The following RPL3 variants were observed in gnomAD, a reference collection of about 807,000 sequenced individuals.
RPL3 encodes the protein ribosomal protein L3.
RPL3 carries 3 observed loss-of-function variants against 46.0 expected under a neutral mutation model. That is an observed-to-expected ratio of 0.07 (90% CI 0.03 to 0.17). RPL3 has a LOEUF of 0.17. RPL3 is among the 10% of genes least tolerant of loss of function. The pLI is 1.00. For synonymous variants in RPL3, 224 were observed against 190.8 expected (o/e 1.17, Z -1.43); for missense variants, 387 against 532.7 (o/e 0.73, Z 2.69).
At chr22:39,317,391 T>G in intron 3 of RPL3, 70 bp downstream of exon 3, 4 of 1,533,466 alleles carry the variant, frequency 2.6e-6, no homozygotes, top group East Asian at 2.3e-5. Context: ...TGAGAAACCA[T>G]GCACACGCTG....
rs945435858 is a variant in RPL3 at position 39,313,601 on chromosome 22, A to G, written c.1047+33T>C. ...TGGCCTTGGATCCTCCCTCTACAAGAGCCCCCCCATGACAAGTCAGGACCT... is the reference window on the plus strand; with the variant it reads ...TGGCCTTGGATCCTCCCTCTACAAGGGCCCCCCCATGACAAGTCAGGACCT... On this transcript the variant is annotated intron_variant, in intron 8 of 9. Coordinates refer to ENST00000216146, the MANE Select transcript of RPL3 (RefSeq NM_000967.4). 15 of 1,597,496 alleles carry G rather than the reference A, an allele frequency of 9.4e-6. No individual in the cohort carries two copies. In the African/African-American group the frequency reaches 2.0e-4, roughly 21 times the overall value.
In RPL3 at chr22:39,315,466, G is replaced by T; in HGVS notation, c.591C>A (p.Ala197=). The change falls in exon 5 of 10, where the codon GCC becomes GCA. Residue 197 remains alanine (A), a synonymous_variant. Transcript: ENST00000216146. ...GTACCTGCTGCTCAAGCCTCTCGCG[G>T]GCCCAGTCCAGCTTCTCGGCCACAG... is the stretch of plus-strand genomic sequence containing the variant. ...GGTVAEKLDW[A]RERLEQQVPV... 13 of 1,614,028 alleles carry T rather than the reference G, an allele frequency of 8.1e-6. No individual in the cohort carries two copies. Among genetic ancestry groups the T allele is most frequent in the Non-Finnish European group, 1.1e-5 (13 of 1,180,034 alleles).
chr22:39,319,380 T>TG lies in RPL3; in HGVS notation c.3+214_3+215insC, dbSNP rs528121727. ...CCTGCTCCCACCCTTACGGCCTCTC[T>TG]CTGGCCGACCTGCAGGCCCAAAGCC... is the stretch of plus-strand genomic sequence containing the variant. On this transcript the variant is annotated intron_variant, in intron 1 of 9. Coordinates refer to ENST00000216146, the MANE Select transcript of RPL3 (RefSeq NM_000967.4). 948 of 655,608 alleles carry TG rather than the reference T, an allele frequency of 1.4e-3. 11 individuals carry two copies. Among genetic ancestry groups the TG allele is most frequent in the African/African-American group, 0.014 (787 of 54,796 alleles). The allele number at this position is 655,608 out of a possible 1,614,324, so 40.6% of individuals were successfully genotyped here. A position where few individuals can be genotyped will look rare whatever the true frequency, so the allele number is the denominator to read the frequency against.
chr22:39,314,080 T>G (rs1459124237), intron 7 of RPL3, 27 bp downstream of exon 7: 1 of 1,597,346 alleles, frequency 6.3e-7, no homozygotes, highest in South Asian at 1.1e-5. Flanking sequence ...TGGGATGGCC[T>G]CACAGAGCAG....
At chr22:39,318,022 A>T in intron 2 of RPL3, 1 of 347,096 alleles carries the variant, frequency 2.9e-6, no homozygotes, top group Non-Finnish European at 5.3e-6. Context: ...CTCTAAGTAG[A>T]ACACACACAG....
chr22:39,313,408 A>T (rs1458385277), intron 8 of RPL3, 98 bp from the exon 9 acceptor site: 2 of 1,554,180 alleles, frequency 1.3e-6, no homozygotes, highest in Non-Finnish European at 1.8e-6. Context: ...CACACGATCA[A>T]TTCAGCCTCC....
chr22:39,318,643 T>C (rs527237993), intron 1 of RPL3, 51 bp from the exon 2 acceptor site: 1 of 1,450,642 alleles, frequency 6.9e-7, no homozygotes, highest in South Asian at 1.3e-5. Context: ...CAGTGCCCCC[T>C]TCTCTAGTTC....
At position 39,313,562 on chromosome 22, in the gene RPL3, GCCA is replaced by G. The variant is rs1005058851; in HGVS notation, c.1047+69_1047+71del. 107 of 1,455,338 alleles carry G rather than the reference GCCA, an allele frequency of 7.4e-5. No individual in the cohort carries two copies. The African/African-American group carries it at 1.4e-3, about 19-fold the overall frequency. The allele number at this position is 1,455,338 out of a possible 1,614,324, so 90.2% of individuals were successfully genotyped here. ...CCTTCCTTTCCTCTCCCACCACAGG[GCCA>G]CCAGCGTCTGTGGCCTTGGATCCTC... On this transcript the variant is annotated intron_variant, in intron 8 of 9. Transcript: ENST00000216146.
chr22:39,319,071 GCA>G (rs759093212), intron 1 of RPL3: 111 of 537,564 alleles, frequency 2.1e-4, no homozygotes, highest in Non-Finnish European at 3.2e-4. Context: ...GTGACAATCA[GCA>G]CACAGTTTCT....
intron 3 of RPL3, 36 bp from the exon 4 acceptor site, chr22:39,316,877 G>A (rs376376122): frequency 3.1e-6 from 5 of 1,613,104 alleles, no homozygotes; most frequent in Admixed American, 1.7e-5. Flanking sequence ...AGGGGACCAG[G>A]TGCAGGCCTT....
intron 3 of RPL3, 88 bp from the exon 4 acceptor site, chr22:39,316,929 G>A (rs755632306): frequency 8.1e-6 from 13 of 1,598,094 alleles, no homozygotes; most frequent in African/African-American, 5.4e-5. Flanking sequence ...CACTGGCACC[G>A]CGTGGGGATG....
intron 4 of RPL3, 130 bp from the exon 5 acceptor site, chr22:39,315,685 G>A (rs1742980995): frequency 9.5e-7 from 1 of 1,051,738 alleles, no homozygotes. Flanking sequence ...ACAAGTCACT[G>A]AACCTCACCA....
intron 6 of RPL3, chr22:39,314,470 C>T: frequency 1.5e-6 from 1 of 649,528 alleles, no homozygotes; most frequent in Non-Finnish European, 2.6e-6. Context: ...AGACTAGTAT[C>T]CCCAGCCACA....
chr22:39,315,336 T>A (rs772405301), intron 5 of RPL3, 33 bp downstream of exon 5: 1 of 1,613,948 alleles, frequency 6.2e-7, no homozygotes, highest in East Asian at 2.2e-5. Flanking sequence ...TCCCCCAGGT[T>A]TGCACAGCAA....
intron 4 of RPL3, among the ~76,000 whole-genome samples, chr22:39,316,396 T>G (rs943515368): frequency 6.6e-6 from 1 of 152,276 alleles, no homozygotes; most frequent in East Asian, 1.9e-4. Flanking sequence ...GGATAACCAG[T>G]AACAGGACAG....
At chr22:39,314,549 A>G in intron 6 of RPL3, 137 bp downstream of exon 6, 1 of 1,066,362 alleles carries the variant, frequency 9.4e-7, no homozygotes. Context: ...GCCAGAACTG[A>G]CCATGAGAAG....
chr22:39,317,411 C>T (rs1219905509), intron 3 of RPL3, 50 bp downstream of exon 3: 2 of 1,587,548 alleles, frequency 1.3e-6, no homozygotes, highest in South Asian at 1.1e-5. Flanking sequence ...GCTCCCTGCT[C>T]TCCAGCTCCC....
At position 39,317,064 on chromosome 22, in the gene RPL3, A is replaced by C. The variant is rs183539297; in HGVS notation, c.366-223T>G. The C allele has an allele frequency of 1.6e-5, 11 of 670,526 alleles. No homozygotes were observed. In the Admixed American group the frequency reaches 2.9e-4, roughly 18 times the overall value. 41.5% of individuals were successfully genotyped at this position (670,526 alleles called of 1,614,324 possible). A position where few individuals can be genotyped will look rare whatever the true frequency, so the allele number is the denominator to read the frequency against. The stretch of plus-strand genomic sequence containing the variant: ...AGGTTAATTTAAGTTACACGCATTC[A>C]AACAAAATTCTTGCTCCGGGACAAA... On this transcript the variant is annotated intron_variant, in intron 3 of 9. Transcript: ENST00000216146.
chr22:39,313,095 T>G, intron 9 of RPL3, 96 bp downstream of exon 9: 1 of 1,603,168 alleles, frequency 6.2e-7, no homozygotes, highest in Non-Finnish European at 8.5e-7. Context: ...AAGAGAGGCC[T>G]AAGGCATCAA....
Sources: gnomAD v4.1 joint callset for allele counts (sites outside exome capture counted in the v4.1 genomes callset) on GRCh38, gnomAD v4.1.1 for gene constraint, MANE v1.5 for transcripts, NCBI Gene and HGNC (gene_info 2026-07-23, HGNC 2026-07-21) for gene names.